CNTNAP3B: variants seen among roughly 807,000 people sequenced by gnomAD.
CNTNAP3B encodes contactin-associated protein-like 3B.
Under a neutral mutation model 108.9 loss-of-function variants are expected in CNTNAP3B, and 25 were observed. That is an observed-to-expected ratio of 0.23 (90% CI 0.17 to 0.32). CNTNAP3B has a LOEUF of 0.32. Among genes scored for constraint, CNTNAP3B ranks in the 10% least tolerant of loss-of-function variants. The pLI is 1.00. For synonymous variants in CNTNAP3B, 103 were observed against 473.4 expected (o/e 0.22, Z 10.16); for missense variants, 252 against 1,210.4 (o/e 0.21, Z 11.75).
chr9:41,978,978 T>C lies in CNTNAP3B; in HGVS notation c.1477+7190A>G, dbSNP rs1395094765. On this transcript the variant is annotated intron_variant, in intron 9 of 23. Coordinates refer to ENST00000377561, the MANE Select transcript of CNTNAP3B (RefSeq NM_001201380.3). ...TTAATTTTTTTGAAAAAGGGATTTA[T>C]GGCAGTGTAGCAGCAGTGGGTGGTA... is the stretch of plus-strand genomic sequence containing the variant. Among the ~76,000 whole-genome samples the C allele has an allele frequency of 2.8e-5, 4 of 142,268 alleles. No homozygotes were observed. In the East Asian group the frequency reaches 8.4e-4, roughly 30 times the overall value. The allele number at this position is 142,268 out of a possible 152,430, so 93.3% of individuals were successfully genotyped here. A position where few individuals can be genotyped will look rare whatever the true frequency, so the allele number is the denominator to read the frequency against.
In CNTNAP3B at chr9:42,002,874, C is replaced by T. The variant is rs572723462; in HGVS notation, c.539-4270G>A. Among the ~76,000 whole-genome samples, 7 of 133,134 alleles carry T rather than the reference C, an allele frequency of 5.3e-5. 1 individual carries two copies. In the South Asian group the frequency reaches 1.7e-3, roughly 32 times the overall value. The allele number at this position is 133,134 out of a possible 152,430, so 87.3% of individuals were successfully genotyped here. ...TGCTATTTCCTTTATTTCCTTACGCCATATTTTATCTTCACATTTTACTTT... is the reference window on the plus strand; with the variant it reads ...TGCTATTTCCTTTATTTCCTTACGCTATATTTTATCTTCACATTTTACTTT... On this transcript the variant is annotated intron_variant, in intron 4 of 23. Transcript: ENST00000377561.
chr9:42,101,950 G>A (rs1445249984), intron 2 of CNTNAP3B, among the ~76,000 whole-genome samples: 1 of 87,168 alleles, frequency 1.1e-5, no homozygotes, highest in Non-Finnish European at 2.4e-5. Context: ...CCAGCTACTC[G>A]GGAGGCTGAG....
At chr9:41,968,072 G>A (rs1414837154) in intron 10 of CNTNAP3B, among the ~76,000 whole-genome samples, 1 of 152,244 alleles carries the variant, frequency 6.6e-6, no homozygotes, top group Non-Finnish European at 1.5e-5. Context: ...AAAAACAATA[G>A]TTTTGTACTT....
At position 42,127,392 on chromosome 9, in the gene CNTNAP3B, C is replaced by G. The variant is rs1368869983; in HGVS notation, c.85+1618G>C. ...ACTAATCCTGAGAATAAAAAGTAAT[C>G]ACAACTATGCAACAAAAACAGGAAA... On this transcript the variant is annotated intron_variant, in intron 1 of 23. Transcript: ENST00000377561. Among the ~76,000 whole-genome samples the G allele has an allele frequency of 2.9e-5, 4 of 139,286 alleles. No homozygotes were observed. In the East Asian group the frequency reaches 8.7e-4, roughly 30 times the overall value. 91.4% of individuals were successfully genotyped at this position (139,286 alleles called of 152,430 possible). A position where few individuals can be genotyped will look rare whatever the true frequency, so the allele number is the denominator to read the frequency against.
intron 3 of CNTNAP3B, among the ~76,000 whole-genome samples, chr9:42,056,326 T>TTTTTTTATTATTA (rs1554753495): frequency 4.6e-5 from 6 of 129,128 alleles, no homozygotes; most frequent in African/African-American, 1.8e-4. Flanking sequence ...TCTCATGAAT[T>TTTTTTTATTATTA]TTATTATTAT....
At chr9:41,929,626 G>T (rs1336791087) in intron 14 of CNTNAP3B, among the ~76,000 whole-genome samples, 182 bp from the exon 15 acceptor site, 1 of 138,948 alleles carries the variant, frequency 7.2e-6, no homozygotes, top group Non-Finnish European at 1.5e-5. Context: ...CAAACATTTT[G>T]TGTAAAGGAC....
intron 18 of CNTNAP3B, among the ~76,000 whole-genome samples, chr9:41,919,183 T>A (rs1020897545): frequency 2.6e-5 from 4 of 151,898 alleles, no homozygotes; most frequent in African/African-American, 9.7e-5. Flanking sequence ...CGCCCAGGAG[T>A]GAGTGCAGTG....
At chr9:42,096,057 G>T (rs1434660553) in intron 2 of CNTNAP3B, among the ~76,000 whole-genome samples, 4 of 139,196 alleles carry the variant, frequency 2.9e-5, no homozygotes, top group Non-Finnish European at 6.2e-5. Flanking sequence ...GTACCTCAGG[G>T]TGTCCTTGGA....
In CNTNAP3B at chr9:42,076,443, A is replaced by ACAC. The variant is rs1431530148; in HGVS notation, c.390+425_390+426insGTG. Reference sequence around the variant, plus strand: ...CTCTGTCTCTAAAAAAAAAAAAAAAAAACAAGAAAAACTAAATCTGGCTGC... The same window carrying ACAC: ...CTCTGTCTCTAAAAAAAAAAAAAAAACACAACAAGAAAAACTAAATCTGGCTGC... On this transcript the variant is annotated intron_variant, in intron 3 of 23. Coordinates refer to ENST00000377561, the MANE Select transcript of CNTNAP3B (RefSeq NM_001201380.3). Among the ~76,000 whole-genome samples the ACAC allele has an allele frequency of 2.2e-4, 21 of 96,930 alleles. No individual in the cohort carries two copies. The East Asian group carries it at 5.3e-3, about 25-fold the overall frequency. The allele number at this position is 96,930 out of a possible 152,430, so 63.6% of individuals were successfully genotyped here.
intron 3 of CNTNAP3B, among the ~76,000 whole-genome samples, chr9:42,041,362 A>T (rs1226610443): frequency 6.6e-6 from 1 of 151,256 alleles, no homozygotes; most frequent in Non-Finnish European, 1.5e-5. Context: ...AATATCCAGA[A>T]TCTACAAAGA....
intron 14 of CNTNAP3B, among the ~76,000 whole-genome samples, chr9:41,931,806 G>T (rs1823986772): frequency 6.9e-6 from 1 of 144,460 alleles, no homozygotes; most frequent in African/African-American, 2.7e-5. Flanking sequence ...CATCATTTTA[G>T]CAAGATAGTC....
At chr9:42,043,171 TC>T (rs1826800990) in intron 3 of CNTNAP3B, among the ~76,000 whole-genome samples, 1 of 70,724 alleles carries the variant, frequency 1.4e-5, no homozygotes. Flanking sequence ...TTTCTTTTAT[TC>T]TTTTTTTTTT....
At chr9:41,927,659 T>C (rs1823858173) in intron 15 of CNTNAP3B, among the ~76,000 whole-genome samples, 2 of 150,602 alleles carry the variant, frequency 1.3e-5, no homozygotes, top group Admixed American at 1.3e-4. Context: ...GGGAATAATA[T>C]AAAAACCAAT....
At chr9:42,115,253 G>C (rs1230866706) in intron 1 of CNTNAP3B, among the ~76,000 whole-genome samples, 3 of 135,972 alleles carry the variant, frequency 2.2e-5, no homozygotes, top group Non-Finnish European at 4.7e-5. Flanking sequence ...AAAATAGACA[G>C]GTCCGGATCC....
chr9:41,922,565 C>T (rs1040507316), intron 17 of CNTNAP3B, 112 bp downstream of exon 17: 15 of 1,562,192 alleles, frequency 9.6e-6, no homozygotes, highest in African/African-American at 1.4e-5. Flanking sequence ...CAAATAGTAC[C>T]AATAAGCAGT....
intron 12 of CNTNAP3B, among the ~76,000 whole-genome samples, chr9:41,956,538 C>T (rs1276705368): frequency 6.6e-6 from 1 of 151,852 alleles, no homozygotes; most frequent in East Asian, 1.9e-4. Context: ...ATATGAAATC[C>T]CCAGCATCTG....
chr9:42,098,311 C>T (rs1397028946), intron 2 of CNTNAP3B, among the ~76,000 whole-genome samples: 5 of 127,524 alleles, frequency 3.9e-5, no homozygotes, highest in Non-Finnish European at 6.5e-5. Context: ...TGGTGGCTCA[C>T]GCCTGTAATC....
chr9:41,966,662 G>T (rs1251726089), intron 10 of CNTNAP3B, among the ~76,000 whole-genome samples: 1 of 152,290 alleles, frequency 6.6e-6, no homozygotes, highest in Non-Finnish European at 1.5e-5. Flanking sequence ...TGTAAGAGGT[G>T]ATTAAGAAGT....
At chr9:42,061,924 CT>C (rs1366213312) in intron 3 of CNTNAP3B, among the ~76,000 whole-genome samples, 1 of 92,688 alleles carries the variant, frequency 1.1e-5, no homozygotes, top group African/African-American at 4.1e-5. Flanking sequence ...AATTTCCCTC[CT>C]ATTAAGTCCT....
Sources: allele counts gnomAD v4.1 joint callset (sites outside exome capture counted in the v4.1 genomes callset), GRCh38; gene constraint gnomAD v4.1.1; transcripts MANE v1.5; gene names NCBI Gene and HGNC (gene_info 2026-07-23, HGNC 2026-07-21).